Variants in GRM8 observed in about 807,000 individuals in gnomAD.
The protein encoded by GRM8 is glutamate metabotropic receptor 8, also known as metabotropic glutamate receptor 8.
GRM8 carries 47 observed loss-of-function variants against 87.2 expected under a neutral mutation model. The ratio of observed to expected loss-of-function variants is 0.54; its 90% CI spans 0.43 to 0.69. The LOEUF (loss-of-function observed/expected upper bound fraction) is 0.69. Among genes scored for constraint, GRM8 ranks in the 30% least tolerant of loss-of-function variants. GRM8 has a pLI of 0.00. For missense variants in GRM8, 1,019 were observed against 1,139.2 expected (o/e 0.89, Z 1.52); for synonymous variants, 396 against 404.5 (o/e 0.98, Z 0.25).
chr7:127,028,959 T>TTTTG (rs1817084096), intron 3 of GRM8, among the ~76,000 whole-genome samples: 1 of 152,194 alleles, frequency 6.6e-6, no homozygotes, highest in African/African-American at 2.4e-5. Flanking sequence ...TCCTGCTTTC[T>TTTTG]TTTGTGGGCA....
intron 3 of GRM8, among the ~76,000 whole-genome samples, chr7:127,101,060 T>C (rs1479407788): frequency 6.6e-6 from 1 of 152,184 alleles, no homozygotes; most frequent in Non-Finnish European, 1.5e-5. Context: ...ACTGTCTCTT[T>C]TCTGTTTATG....
chr7:127,140,316 T>G (rs1189221482), intron 2 of GRM8, among the ~76,000 whole-genome samples: 1 of 152,118 alleles, frequency 6.6e-6, no homozygotes, highest in Non-Finnish European at 1.5e-5. Flanking sequence ...CCCACACTTG[T>G]GACAACCAAA....
chr7:126,735,579 T>A (rs538764388), intron 7 of GRM8, among the ~76,000 whole-genome samples: 4 of 152,062 alleles, frequency 2.6e-5, no homozygotes, highest in Admixed American at 6.6e-5. Context: ...ATGAAAATAA[T>A]TGAACAAGTA....
intron 2 of GRM8, among the ~76,000 whole-genome samples, chr7:127,215,538 A>G (rs1273987535): frequency 6.6e-6 from 1 of 152,042 alleles, no homozygotes; most frequent in Non-Finnish European, 1.5e-5. Flanking sequence ...TGAAGCTTTC[A>G]GTTTCTGTTA....
intron 7 of GRM8, among the ~76,000 whole-genome samples, chr7:126,739,900 G>T (rs1466739529): frequency 6.6e-6 from 1 of 152,014 alleles, no homozygotes; most frequent in African/African-American, 2.4e-5. Context: ...ATGCTGTACA[G>T]GTATATAGCC....
intron 3 of GRM8, among the ~76,000 whole-genome samples, chr7:127,046,321 G>A (rs1019384928): frequency 2.0e-5 from 3 of 151,942 alleles, no homozygotes; most frequent in East Asian, 1.9e-4. Flanking sequence ...GCAGTGAGCC[G>A]AGGTCGCACC....
At chr7:126,445,652 T>C (rs1231286436) in intron 10 of GRM8, among the ~76,000 whole-genome samples, 4 of 152,024 alleles carry the variant, frequency 2.6e-5, no homozygotes, top group African/African-American at 9.7e-5. Context: ...GTGACTTAAC[T>C]AAACATATTG....
At position 127,018,717 on chromosome 7, in the gene GRM8, G is replaced by A. The variant is rs552371508; in HGVS notation, c.727+87779C>T. The stretch of plus-strand genomic sequence containing the variant: ...TACCAGGAAGTTTTGCTTTCCCAAT[G>A]GTAACACAGCCCCTTTCTGCTTGAC... On this transcript the variant is annotated intron_variant, in intron 3 of 10. Transcript: ENST00000339582. 2.3e-4 allele frequency among the ~76,000 whole-genome samples: 35 copies of A among 151,910 alleles called. No homozygotes were observed. In the South Asian group the frequency reaches 7.1e-3, roughly 31 times the overall value.
chr7:126,480,767 C>T (rs755357941), intron 9 of GRM8, among the ~76,000 whole-genome samples: 1 of 151,448 alleles, frequency 6.6e-6, no homozygotes, highest in Admixed American at 6.6e-5. Context: ...GGTGACTGTG[C>T]CCATGGTTTA....
intron 3 of GRM8, among the ~76,000 whole-genome samples, chr7:127,104,813 C>T (rs781731385): frequency 6.6e-6 from 1 of 152,148 alleles, no homozygotes; most frequent in African/African-American, 2.4e-5. Flanking sequence ...CAGCAATGCT[C>T]CCTAAAAAAT....
chr7:126,667,870 G>A (rs1005607701), intron 7 of GRM8, among the ~76,000 whole-genome samples: 2 of 152,212 alleles, frequency 1.3e-5, no homozygotes, highest in African/African-American at 2.4e-5. Context: ...CCATGGCAGA[G>A]GACAGGATGC....
At chr7:126,767,143 T>C (rs1040146917) in intron 7 of GRM8, among the ~76,000 whole-genome samples, 1 of 152,150 alleles carries the variant, frequency 6.6e-6, no homozygotes, top group Non-Finnish European at 1.5e-5. Flanking sequence ...TTTTTGAAGA[T>C]AGAGTCTTAA....
chr7:126,473,150 TC>T lies in GRM8; in HGVS notation c.2431-26779del, dbSNP rs1805496414. Among the ~76,000 whole-genome samples the T allele has an allele frequency of 5.3e-5, 8 of 152,238 alleles. No individual in the cohort carries two copies. In the South Asian group the frequency reaches 1.7e-3, roughly 32 times the overall value. Reference sequence around the variant, plus strand: ...TGGAGCTGTGAGAAGAGGGCCACTGTCCTCCAGACCCCAGAATGGTAGATCC... The same window carrying T: ...TGGAGCTGTGAGAAGAGGGCCACTGTCTCCAGACCCCAGAATGGTAGATCC... On this transcript the variant is annotated intron_variant, in intron 9 of 10. Transcript: ENST00000339582.
chr7:126,561,167 A>G (rs1793649575), intron 8 of GRM8, among the ~76,000 whole-genome samples: 1 of 152,156 alleles, frequency 6.6e-6, no homozygotes, highest in Non-Finnish European at 1.5e-5. Context: ...CCTCAGAAAA[A>G]ACAGCTACGA....
chr7:126,929,556 C>G (rs994181513), intron 3 of GRM8, among the ~76,000 whole-genome samples: 1 of 152,128 alleles, frequency 6.6e-6, no homozygotes, highest in Non-Finnish European at 1.5e-5. Context: ...GCCTCAGCCT[C>G]CTGCATAGCT....
chr7:126,530,982 T>A (rs185169339), intron 9 of GRM8, among the ~76,000 whole-genome samples: 14 of 152,282 alleles, frequency 9.2e-5, no homozygotes, highest in Admixed American at 9.1e-4. Context: ...CTAATTTTTT[T>A]ATTTTTATTA....
intron 7 of GRM8, among the ~76,000 whole-genome samples, chr7:126,669,335 A>G (rs1406964313): frequency 1.3e-5 from 2 of 152,164 alleles, no homozygotes; most frequent in East Asian, 3.8e-4. Flanking sequence ...AAGTAAAATT[A>G]AAAATTTTTA....
intron 3 of GRM8, among the ~76,000 whole-genome samples, chr7:127,060,560 A>G (rs1210676353): frequency 1.3e-5 from 2 of 152,196 alleles, no homozygotes; most frequent in African/African-American, 4.8e-5. Context: ...TAAATGGAAT[A>G]CAGAAAATAT....
chr7:126,703,864 CA>C (rs1473717008), intron 7 of GRM8, among the ~76,000 whole-genome samples: 1 of 152,158 alleles, frequency 6.6e-6, no homozygotes, highest in African/African-American at 2.4e-5. Flanking sequence ...ACCTGGCCAC[CA>C]AAGCACCTCT....
Sources: gnomAD v4.1 joint callset for allele counts (sites outside exome capture counted in the v4.1 genomes callset) on GRCh38, gnomAD v4.1.1 for gene constraint, MANE v1.5 for transcripts, NCBI Gene and HGNC (gene_info 2026-07-23, HGNC 2026-07-21) for gene names.